The following EIF2AK4 variants were observed in gnomAD, a reference collection of about 807,000 sequenced individuals.
EIF2AK4 encodes eIF-2-alpha kinase GCN2.
EIF2AK4 carries 139 observed loss-of-function variants against 211.1 expected under a neutral mutation model. The ratio of observed to expected loss-of-function variants is 0.66; its 90% CI spans 0.57 to 0.76. The LOEUF is 0.76. Ranked by LOEUF, EIF2AK4 falls within the 30% of genes least tolerant of loss-of-function variation. EIF2AK4 has a pLI of 0.00. For synonymous variants in EIF2AK4, 710 were observed against 751.3 expected, an observed-to-expected ratio of 0.94 and a Z score of 0.90; for missense variants, 1,664 against 2,043.8, an observed-to-expected ratio of 0.81 and a Z score of 3.58.
intron 34 of EIF2AK4, 52 bp from the exon 35 acceptor site, chr15:40,030,307 T>G: frequency 1.3e-6 from 2 of 1,555,432 alleles, no homozygotes; most frequent in South Asian, 1.1e-5. Context: ...TAGTATGTTG[T>G]AGAAAGTGGG....
chr15:40,034,997 T>A (rs2140954218), intron 38 of EIF2AK4, 30 bp from the exon 39 acceptor site: 1 of 1,548,688 alleles, frequency 6.5e-7, no homozygotes, highest in East Asian at 2.3e-5. Context: ...AAACTGAGTC[T>A]GTCCTTATAT....
intron 8 of EIF2AK4, 40 bp downstream of exon 8, chr15:39,965,883 C>A: frequency 6.2e-7 from 1 of 1,609,106 alleles, no homozygotes; most frequent in Non-Finnish European, 8.5e-7. Context: ...AAGGCCTAAT[C>A]TCAGGCTTTA....
intron 32 of EIF2AK4, 90 bp downstream of exon 32, chr15:40,022,695 G>C: frequency 8.6e-7 from 1 of 1,160,734 alleles, no homozygotes. Flanking sequence ...CCGTGTAGGT[G>C]ACTGGAAATC....
intron 32 of EIF2AK4, among the ~76,000 whole-genome samples, chr15:40,024,158 G>C (rs2035431470): frequency 6.6e-6 from 1 of 151,762 alleles, no homozygotes; most frequent in Admixed American, 6.6e-5. Flanking sequence ...TTCTTGTTCT[G>C]AAATCTTTTG....
In EIF2AK4 at chr15:40,028,540, T is replaced by C. The variant is rs116940720; in HGVS notation, c.4503-866T>C. Among the ~76,000 whole-genome samples, 262 of 152,266 alleles carry C rather than the reference T, an allele frequency of 1.7e-3. 6 individuals are homozygous for C. The East Asian group carries it at 0.048, about 28-fold the overall frequency. On this transcript the variant is annotated intron_variant, in intron 33 of 38. Coordinates refer to ENST00000263791, the MANE Select transcript of EIF2AK4 (RefSeq NM_001013703.4). ...AACATCCTAAAGGGTACAGGACTAC[T>C]ACCCCCCAACAGAGAATTTTCTGGC...
At chr15:39,972,882 A>G (rs1175270195) in intron 9 of EIF2AK4, 26 bp from the exon 10 acceptor site, 4 of 1,589,106 alleles carry the variant, frequency 2.5e-6, no homozygotes, top group Non-Finnish European at 3.5e-6. Flanking sequence ...TTGTGATGCT[A>G]AGATTCTTCC....
At chr15:40,007,717 C>T (rs1296756375) in intron 24 of EIF2AK4, among the ~76,000 whole-genome samples, 2 of 152,156 alleles carry the variant, frequency 1.3e-5, no homozygotes, top group African/African-American at 4.8e-5. Context: ...AATTAATAAT[C>T]GTAGTCCTAT....
At chr15:39,998,270 G>GTTTTTTTTTTTTTTTTCCT (rs11435806) in intron 19 of EIF2AK4, among the ~76,000 whole-genome samples, 1 of 125,396 alleles carries the variant, frequency 8.0e-6, no homozygotes, top group Non-Finnish European at 1.6e-5. Flanking sequence ...TTTTTTTTTT[G>GTTTTTTTTTTTTTTTTCCT]TTTTGTTTTT....
chr15:39,987,376 C>G (rs1481962920), intron 14 of EIF2AK4, among the ~76,000 whole-genome samples: 1 of 152,184 alleles, frequency 6.6e-6, no homozygotes, highest in Non-Finnish European at 1.5e-5. Flanking sequence ...CGTGAGAAAT[C>G]TCAACTCTGG....
At chr15:40,020,092 A>G (rs1567007621) in intron 30 of EIF2AK4, among the ~76,000 whole-genome samples, 1 of 151,130 alleles carries the variant, frequency 6.6e-6, no homozygotes, top group Non-Finnish European at 1.5e-5. Flanking sequence ...GTTTGAACCC[A>G]GGAGGGGGAG....
chr15:40,030,168 G>A (rs1365954659), intron 34 of EIF2AK4, among the ~76,000 whole-genome samples, 191 bp from the exon 35 acceptor site: 5 of 152,128 alleles, frequency 3.3e-5, no homozygotes, highest in Non-Finnish European at 7.3e-5. Context: ...AAAACTGCTG[G>A]GTGTTGGGGT....
At chr15:39,986,345 G>T (rs532958664) in intron 14 of EIF2AK4, among the ~76,000 whole-genome samples, 2 of 152,384 alleles carry the variant, frequency 1.3e-5, no homozygotes, top group African/African-American at 4.8e-5. Flanking sequence ...ATCTGGACAA[G>T]TAAGATATGA....
intron 9 of EIF2AK4, among the ~76,000 whole-genome samples, chr15:39,968,701 C>A (rs1201149594): frequency 6.6e-6 from 1 of 152,118 alleles, no homozygotes; most frequent in Non-Finnish European, 1.5e-5. Context: ...TTATTCACTT[C>A]TTCCATTTGC....
intron 21 of EIF2AK4, 152 bp from the exon 22 acceptor site, chr15:40,002,561 C>G: frequency 2.7e-6 from 2 of 731,250 alleles, no homozygotes; most frequent in Non-Finnish European, 4.8e-6. Context: ...GTCCTCTTCC[C>G]TGATGTGTTC....
At chr15:39,982,032 C>A (rs1326065037) in intron 13 of EIF2AK4, among the ~76,000 whole-genome samples, 1 of 150,760 alleles carries the variant, frequency 6.6e-6, no homozygotes, top group East Asian at 2.0e-4. Context: ...TCACGCCATT[C>A]TCCTGCCTCA....
At chr15:39,948,260 G>C (rs1034839323) in intron 3 of EIF2AK4, among the ~76,000 whole-genome samples, 2 of 152,146 alleles carry the variant, frequency 1.3e-5, no homozygotes, top group African/African-American at 4.8e-5. Context: ...TTTAGAAACG[G>C]TTTCAAACAT....
intron 3 of EIF2AK4, among the ~76,000 whole-genome samples, chr15:39,945,547 A>G (rs1484179666): frequency 6.6e-6 from 1 of 152,252 alleles, no homozygotes; most frequent in African/African-American, 2.4e-5. Context: ...ATAAAAGTGC[A>G]AGGTGAAGCA....
chr15:39,941,246 A>G (rs757520170), intron 2 of EIF2AK4, among the ~76,000 whole-genome samples: 12 of 152,242 alleles, frequency 7.9e-5, no homozygotes, highest in Non-Finnish European at 1.3e-4. Flanking sequence ...CTCCTCCCTA[A>G]AGATCTGGGA....
chr15:39,957,530 C>T (rs1262183630), intron 6 of EIF2AK4, among the ~76,000 whole-genome samples: 1 of 152,216 alleles, frequency 6.6e-6, no homozygotes, highest in African/African-American at 2.4e-5. Flanking sequence ...GAGCCCCCCT[C>T]TACCCTATTT....
Sources: gnomAD v4.1 joint callset for allele counts (sites outside exome capture counted in the v4.1 genomes callset) on GRCh38, gnomAD v4.1.1 for gene constraint, MANE v1.5 for transcripts, NCBI Gene and HGNC (gene_info 2026-07-23, HGNC 2026-07-21) for gene names.